Variants in CLYBL observed in about 807,000 individuals in gnomAD.
CLYBL encodes the protein citramalyl-CoA lyase, also known as citramalyl-CoA lyase, mitochondrial.
CLYBL carries 31 observed loss-of-function variants against 38.9 expected under a neutral mutation model. That is an observed-to-expected ratio of 0.80 (90% CI 0.60 to 1.08). The LOEUF (loss-of-function observed/expected upper bound fraction) is 1.08. Ranked by LOEUF, CLYBL falls within the 50% of genes least tolerant of loss-of-function variation. The pLI is 0.00. For missense variants in CLYBL, 434 were observed against 411.6 expected (o/e 1.05, Z -0.47); for synonymous variants, 171 against 158.6 (o/e 1.08, Z -0.59).
chr13:99,632,467 C>T (rs1279589582), intron 1 of CLYBL, among the ~76,000 whole-genome samples: 2 of 152,182 alleles, frequency 1.3e-5, no homozygotes, highest in Non-Finnish European at 2.9e-5. Flanking sequence ...AGAGGCCGGG[C>T]ATTGTGGCTC....
At chr13:99,781,075 A>C (rs1337417585) in intron 2 of CLYBL, among the ~76,000 whole-genome samples, 1 of 151,542 alleles carries the variant, frequency 6.6e-6, no homozygotes, top group Non-Finnish European at 1.5e-5. Flanking sequence ...ATTATATTTC[A>C]TAATGTTTTC....
chr13:99,678,658 C>CT (rs1187515130), intron 1 of CLYBL, among the ~76,000 whole-genome samples: 2 of 152,122 alleles, frequency 1.3e-5, no homozygotes, highest in African/African-American at 2.4e-5. Flanking sequence ...ACCAATTTGC[C>CT]TTTTTTCTGC....
chr13:99,701,719 C>T (rs1274595549), intron 1 of CLYBL, among the ~76,000 whole-genome samples: 2 of 152,142 alleles, frequency 1.3e-5, no homozygotes, highest in South Asian at 2.1e-4. Flanking sequence ...CTGTCACCCA[C>T]TCTGGAGAGC....
At chr13:99,758,751 G>A (rs915018432) in intron 1 of CLYBL, among the ~76,000 whole-genome samples, 44 of 152,296 alleles carry the variant, frequency 2.9e-4, no homozygotes, top group African/African-American at 1.1e-3. Flanking sequence ...CTCCTTATAC[G>A]TTTCTTCTTT....
At chr13:99,888,296 G>T (rs933572700) in intron 7 of CLYBL, among the ~76,000 whole-genome samples, 2 of 152,062 alleles carry the variant, frequency 1.3e-5, no homozygotes, top group Admixed American at 1.3e-4. Flanking sequence ...CAACTAAAAA[G>T]AAAAAGTTTT....
chr13:99,690,592 TC>T (rs1303456321), intron 1 of CLYBL: 1 of 152,232 alleles, frequency 6.6e-6, no homozygotes, highest in East Asian at 1.9e-4. Context: ...GTTCTATTTA[TC>T]TTCATGATTT....
chr13:99,626,564 A>G (rs1188836399), intron 1 of CLYBL, among the ~76,000 whole-genome samples: 1 of 152,126 alleles, frequency 6.6e-6, no homozygotes, highest in Non-Finnish European at 1.5e-5. Context: ...GTGAAACCTA[A>G]TTGGAATAGA....
In CLYBL at chr13:99,819,465, T is replaced by TATATATATATATATAA. The variant is rs1366110606; in HGVS notation, c.250-39393_250-39392insTATATATATATAAATA. 2.0e-3 allele frequency among the ~76,000 whole-genome samples: 119 copies of TATATATATATATATAA among 58,712 alleles called. 13 individuals are homozygous for TATATATATATATATAA. Among genetic ancestry groups the TATATATATATATATAA allele is most frequent in the South Asian group, 3.5e-3 (6 of 1,714 alleles). The allele number at this position is 58,712 out of a possible 152,430, so 38.5% of individuals were successfully genotyped here. On this transcript the variant is annotated intron_variant, in intron 2 of 8. Coordinates refer to ENST00000339105, the MANE Select transcript of CLYBL (RefSeq NM_206808.5). Reference sequence around the variant, plus strand: ...ATATATATATATATATATATATATATATAATATTTGTCAGGGTTGTCTGGG... The same window carrying TATATATATATATATAA: ...ATATATATATATATATATATATATATATATATATATATATAAATAATATTTGTCAGGGTTGTCTGGG...
chr13:99,734,046 C>T (rs1239778994), intron 1 of CLYBL, among the ~76,000 whole-genome samples: 2 of 152,204 alleles, frequency 1.3e-5, no homozygotes, highest in Non-Finnish European at 2.9e-5. Context: ...TGAGTAAGCA[C>T]GAAAACCTAT....
chr13:99,777,581 C>A, intron 2 of CLYBL, among the ~76,000 whole-genome samples: 1 of 152,026 alleles, frequency 6.6e-6, no homozygotes. Flanking sequence ...CAACCTCCGC[C>A]TCTCGGGTTC....
chr13:99,659,528 A>AC (rs1295650821), intron 1 of CLYBL, among the ~76,000 whole-genome samples: 2 of 151,556 alleles, frequency 1.3e-5, no homozygotes, highest in Admixed American at 6.6e-5. Flanking sequence ...ATTTTTTGAC[A>AC]CCCCCTTTTC....
chr13:99,770,596 C>A (rs935310192), intron 1 of CLYBL, among the ~76,000 whole-genome samples: 1 of 151,970 alleles, frequency 6.6e-6, no homozygotes, highest in African/African-American at 2.4e-5. Flanking sequence ...GGATTACAGG[C>A]GTGAGCCACC....
At chr13:99,638,078 C>T (rs1436976349) in intron 1 of CLYBL, among the ~76,000 whole-genome samples, 2 of 149,986 alleles carry the variant, frequency 1.3e-5, no homozygotes, top group Non-Finnish European at 3.0e-5. Flanking sequence ...AGTCTCCTAC[C>T]TTAGCCTCCT....
intron 1 of CLYBL, among the ~76,000 whole-genome samples, chr13:99,704,653 AG>A (rs1477139467): frequency 6.6e-6 from 1 of 152,236 alleles, no homozygotes; most frequent in Non-Finnish European, 1.5e-5. Context: ...CAAACTTAGA[AG>A]AACCAGGTGC....
intron 1 of CLYBL, among the ~76,000 whole-genome samples, chr13:99,705,243 G>GCACA (rs141979381): frequency 1.9e-4 from 29 of 149,968 alleles, no homozygotes; most frequent in African/African-American, 4.9e-4. Context: ...GTGTACACAT[G>GCACA]CACACACACA....
chr13:99,642,528 C>T (rs142051150), intron 1 of CLYBL, among the ~76,000 whole-genome samples: 2,830 of 152,176 alleles, frequency 0.019, 68 homozygotes, highest in African/African-American at 0.064. Flanking sequence ...AATCCTCCCA[C>T]CTCAGCTTCC....
At chr13:99,688,305 A>T (rs1191192565) in intron 1 of CLYBL, among the ~76,000 whole-genome samples, 1 of 151,974 alleles carries the variant, frequency 6.6e-6, no homozygotes, top group Non-Finnish European at 1.5e-5. Flanking sequence ...TTTAGCTCTT[A>T]TGCTAAAACA....
chr13:99,854,400 G>C (rs561837163), intron 2 of CLYBL, among the ~76,000 whole-genome samples: 1 of 151,002 alleles, frequency 6.6e-6, no homozygotes, highest in East Asian at 1.9e-4. Context: ...AATCCCCCTT[G>C]AATCTCGTAT....
At chr13:99,658,281 T>G (rs971757542) in intron 1 of CLYBL, among the ~76,000 whole-genome samples, 1 of 152,150 alleles carries the variant, frequency 6.6e-6, no homozygotes. Context: ...GTGTGGGAGC[T>G]CTCAAGAGAA....
Sources: allele counts gnomAD v4.1 joint callset (sites outside exome capture counted in the v4.1 genomes callset), GRCh38; gene constraint gnomAD v4.1.1; transcripts MANE v1.5; gene names NCBI Gene and HGNC (gene_info 2026-07-23, HGNC 2026-07-21).